IRAG1: variants seen among roughly 807,000 people sequenced by gnomAD.
The protein encoded by IRAG1 is IP3R-associated cGMP kinase substrate.
In IRAG1, 62 loss-of-function variants were observed where a neutral mutation model predicts 106.2. That is an observed-to-expected ratio of 0.58 (90% CI 0.48 to 0.72). IRAG1 has a LOEUF of 0.72. IRAG1 is among the 30% of genes least tolerant of loss of function. IRAG1 has a pLI of 0.00. For missense variants in IRAG1, 1,064 were observed against 1,140.7 expected (o/e 0.93, Z 0.97); for synonymous variants, 462 against 443.9 (o/e 1.04, Z -0.51).
chr11:10,656,349 A>G (rs1051371299), intron 1 of IRAG1, among the ~76,000 whole-genome samples: 2 of 152,192 alleles, frequency 1.3e-5, no homozygotes, highest in African/African-American at 4.8e-5. Context: ...CCTAACTAGA[A>G]CCTGGCCCAT....
intron 10 of IRAG1, among the ~76,000 whole-genome samples, chr11:10,622,296 C>A (rs1014777362): frequency 3.9e-5 from 6 of 152,020 alleles, no homozygotes; most frequent in African/African-American, 1.2e-4. Context: ...GAGGGAGATG[C>A]CGCGGGGACA....
Position 10,691,323 on chromosome 11 carries a change from C to T in IRAG1, c.67+2213G>A, listed in dbSNP as rs528022347. ...CGGGTGAGGAACGGGATAAGGTCTC[C>T]GCCCTTGCAGGGCTCAGTCTGCTCC... On this transcript the variant is annotated intron_variant, in intron 1 of 20. Coordinates refer to ENST00000423302, the MANE Select transcript of IRAG1 (RefSeq NM_130385.4). Among the ~76,000 whole-genome samples, 8 of 152,330 alleles carry T rather than the reference C, an allele frequency of 5.3e-5. No individual in the cohort carries two copies. In the East Asian group the frequency reaches 7.7e-4, roughly 15 times the overall value.
chr11:10,627,767 G>A lies in IRAG1; in HGVS notation c.706-7C>T. ...CGTCGGCCTCATCCCCCTTCTGCTG[G>A]AGAAGGTGAACAGGAGTCAGTCAGC... On this transcript the variant is annotated splice_polypyrimidine_tract_variant and splice_region_variant and intron_variant, in intron 7 of 20. Coordinates refer to ENST00000423302, the MANE Select transcript of IRAG1 (RefSeq NM_130385.4). 1.9e-6 allele frequency: 3 copies of A among 1,613,952 alleles called. No individual in the cohort carries two copies. The highest frequency in any genetic ancestry group is 1.3e-5 in the African/African-American group (1 of 75,056).
At chr11:10,631,571 T>C (rs59939466) in intron 4 of IRAG1, among the ~76,000 whole-genome samples, 2 of 152,310 alleles carry the variant, frequency 1.3e-5, no homozygotes, top group African/African-American at 4.8e-5. Flanking sequence ...ACCAACTCTA[T>C]ATGAGATCTA....
chr11:10,592,382 C>A (rs1178474394), intron 17 of IRAG1, among the ~76,000 whole-genome samples: 1 of 152,134 alleles, frequency 6.6e-6, no homozygotes, highest in Non-Finnish European at 1.5e-5. Context: ...AATACACTAA[C>A]CAGTCCTCTC....
Position 10,629,534 on chromosome 11 carries a change from C to T in IRAG1, c.574+4G>A. On this transcript the variant is annotated splice_donor_region_variant and intron_variant, in intron 5 of 20. Coordinates refer to ENST00000423302, the MANE Select transcript of IRAG1 (RefSeq NM_130385.4). The stretch of plus-strand genomic sequence containing the variant: ...GCAGCCACCTGTACATCCTGCCACC[C>T]TACCTGATGGGGAGTCTCCGGGGCT... The T allele has an allele frequency of 6.2e-7, 1 of 1,611,720 alleles. No individual in the cohort carries two copies. The highest frequency in any genetic ancestry group is 8.5e-7 in the Non-Finnish European group (1 of 1,178,790).
rs531928937 is a variant in IRAG1 at position 10,614,075 on chromosome 11, C to G, written c.1448-4224G>C. Among the ~76,000 whole-genome samples the G allele has an allele frequency of 5.9e-5, 9 of 152,240 alleles. No individual in the cohort carries two copies. The South Asian group carries it at 1.9e-3, about 32-fold the overall frequency. ...GCCAAAATTATTCAAACTAGCCAAC[C>G]CTAAACATACTGAGGATACCTACCC... is the stretch of plus-strand genomic sequence containing the variant. On this transcript the variant is annotated intron_variant, in intron 10 of 20. Coordinates refer to ENST00000423302, the MANE Select transcript of IRAG1 (RefSeq NM_130385.4).
chr11:10,684,544 A>C (rs374789944), intron 1 of IRAG1, among the ~76,000 whole-genome samples: 1 of 151,052 alleles, frequency 6.6e-6, no homozygotes, highest in Non-Finnish European at 1.5e-5. Flanking sequence ...CCAGCATGGC[A>C]CATGTATACA....
intron 14 of IRAG1, among the ~76,000 whole-genome samples, chr11:10,601,450 A>G (rs1350218470): frequency 3.3e-5 from 5 of 152,208 alleles, no homozygotes; most frequent in African/African-American, 1.2e-4. Context: ...GAGGCAGGGA[A>G]GCACAGGGCT....
rs75542502 is a variant in IRAG1, at chr11:10,677,095, G to A, written c.67+16441C>T. 3.8e-3 allele frequency among the ~76,000 whole-genome samples: 581 copies of A among 152,200 alleles called. 3 individuals carry two copies. The highest frequency in any genetic ancestry group is 0.013 in the African/African-American group (551 of 41,504). Reference sequence around the variant, plus strand: ...CATCTGACTCTAATTTCCTTTGTGCGTCTCTCCCATGACCTTCCCCTCTGG... The same window carrying A: ...CATCTGACTCTAATTTCCTTTGTGCATCTCTCCCATGACCTTCCCCTCTGG... On this transcript the variant is annotated intron_variant, in intron 1 of 20. Transcript: ENST00000423302.
chr11:10,581,385 A>G (rs1479284708), intron 19 of IRAG1, among the ~76,000 whole-genome samples: 1 of 152,152 alleles, frequency 6.6e-6, no homozygotes. Flanking sequence ...AGTGCTGACA[A>G]CTGGCCATGG....
At chr11:10,610,583 A>C (rs904698004) in intron 10 of IRAG1, among the ~76,000 whole-genome samples, 2 of 152,152 alleles carry the variant, frequency 1.3e-5, no homozygotes, top group Non-Finnish European at 2.9e-5. Context: ...CCATTTTTCC[A>C]ACAAGCTCAC....
intron 14 of IRAG1, among the ~76,000 whole-genome samples, chr11:10,601,295 A>G (rs115886775): frequency 9.8e-4 from 149 of 152,264 alleles, no homozygotes; most frequent in African/African-American, 3.3e-3. Flanking sequence ...GGCAGAGGAG[A>G]GTTGTTTCTG....
intron 10 of IRAG1, among the ~76,000 whole-genome samples, chr11:10,619,919 G>T (rs537835574): frequency 2.4e-4 from 37 of 152,242 alleles, no homozygotes; most frequent in Non-Finnish European, 4.3e-4. Flanking sequence ...GCTTATAGGA[G>T]TCACATTCAT....
chr11:10,600,882 G>A (rs755611863), intron 15 of IRAG1, 36 bp downstream of exon 15: 2 of 1,612,476 alleles, frequency 1.2e-6, no homozygotes, highest in Admixed American at 3.3e-5. Flanking sequence ...AGTCCACCTT[G>A]TAGGGCCAAG....
At chr11:10,655,682 A>G (rs1357798377) in intron 1 of IRAG1, among the ~76,000 whole-genome samples, 1 of 152,162 alleles carries the variant, frequency 6.6e-6, no homozygotes, top group Non-Finnish European at 1.5e-5. Context: ...CAACAAACTG[A>G]AAGACCTGAC....
intron 1 of IRAG1, among the ~76,000 whole-genome samples, chr11:10,679,091 G>A (rs1860932675): frequency 6.6e-6 from 1 of 152,194 alleles, no homozygotes; most frequent in Admixed American, 6.5e-5. Context: ...ACATGGTGAA[G>A]TTGTGTCTAT....
intron 1 of IRAG1, among the ~76,000 whole-genome samples, chr11:10,692,476 A>AG (rs1862131725): frequency 6.6e-6 from 1 of 152,060 alleles, no homozygotes; most frequent in South Asian, 2.1e-4. Context: ...AGGGGAGTGC[A>AG]GGGGGATGGG....
chr11:10,586,008 C>T (rs929547968), intron 18 of IRAG1: 1 of 152,078 alleles, frequency 6.6e-6, no homozygotes, highest in Admixed American at 6.5e-5. Flanking sequence ...CATGAATCCC[C>T]CTGCCTTTCT....
Sources: allele counts gnomAD v4.1 joint callset (sites outside exome capture counted in the v4.1 genomes callset), GRCh38; gene constraint gnomAD v4.1.1; transcripts MANE v1.5; gene names NCBI Gene and HGNC (gene_info 2026-07-23, HGNC 2026-07-21).